Variants in ALS2 observed in about 807,000 individuals in gnomAD.
The protein encoded by ALS2 is alsin.
ALS2 carries 117 observed loss-of-function variants against 203.4 expected under a neutral mutation model. The ratio of observed to expected loss-of-function variants is 0.58; its 90% CI spans 0.50 to 0.67. The LOEUF is 0.67. ALS2 is among the 30% of genes least tolerant of loss of function. The pLI is 0.00. For missense variants in ALS2, 1,715 were observed against 1,989.4 expected (o/e 0.86, Z 2.62); for synonymous variants, 718 against 725.9 (o/e 0.99, Z 0.17).
intron 5 of ALS2, among the ~76,000 whole-genome samples, chr2:201,756,166 A>G (rs970250386): frequency 1.3e-5 from 2 of 152,124 alleles, no homozygotes; most frequent in African/African-American, 4.8e-5. Context: ...AAAATATTCC[A>G]CATTTGTAGT....
Position 201,718,026 on chromosome 2 carries a change from G to A in ALS2, c.3836+51C>T, listed in dbSNP as rs1186030629. 4 of 1,592,514 alleles carry A rather than the reference G, an allele frequency of 2.5e-6. No individual in the cohort carries two copies. In the South Asian group the frequency reaches 4.4e-5, roughly 18 times the overall value. On this transcript the variant is annotated intron_variant, in intron 24 of 33. Transcript: ENST00000264276. Reference sequence around the variant, plus strand: ...TATTAACCAGCTTTGATAAAAGCAAGACAACTCCAAACATTCAATAATTAA... The same window carrying A: ...TATTAACCAGCTTTGATAAAAGCAAAACAACTCCAAACATTCAATAATTAA...
rs762682596 is a variant in ALS2 at position 201,754,460 on chromosome 2, T to C, written c.1640+43A>G. Reference sequence around the variant, plus strand: ...GAGACCTTCCCAGGAGAGAGATTATTTGTTTAAGCCAACTTCTATCGGTAA... The same window carrying C: ...GAGACCTTCCCAGGAGAGAGATTATCTGTTTAAGCCAACTTCTATCGGTAA... On this transcript the variant is annotated intron_variant, in intron 6 of 33. Coordinates refer to ENST00000264276, the MANE Select transcript of ALS2 (RefSeq NM_020919.4). The C allele has an allele frequency of 1.9e-6, 3 of 1,613,252 alleles. No homozygotes were observed. The African/African-American group carries it at 4.0e-5, about 22-fold the overall frequency.
chr2:201,760,408 T>G, intron 4 of ALS2: 2 of 987,780 alleles, frequency 2.0e-6, no homozygotes, highest in Non-Finnish European at 2.4e-6. Flanking sequence ...AACATGTAAT[T>G]GCCTGTAAGT....
intron 4 of ALS2, among the ~76,000 whole-genome samples, chr2:201,758,755 T>TGTGC (rs1553514659): frequency 7.5e-5 from 6 of 80,314 alleles, no homozygotes; most frequent in East Asian, 6.3e-4. Context: ...TGTGTGTGTG[T>TGTGC]GCGCATGTGT....
intron 13 of ALS2, among the ~76,000 whole-genome samples, chr2:201,730,154 T>C (rs1438426688): frequency 6.6e-6 from 1 of 152,196 alleles, no homozygotes. Context: ...ACTTGCTATG[T>C]GGTAGATTCT....
chr2:201,767,303 C>G lies in ALS2; in HGVS notation c.101G>C (p.Arg34Thr). The stretch of plus-strand genomic sequence containing the variant: ...AGTCTTTCCTCCCCAGCCTGGCAAT[C>G]TCTCTGGTGTTATGGGAAAGGATCC... ...QAGSFPITPERLPGWGGKTVL... is the reference protein window; with the variant it reads ...QAGSFPITPETLPGWGGKTVL... Residue 34 changes from arginine (R) to threonine (T), a missense_variant, in exon 3 of 34, where the codon AGA becomes ACA. This residue lies in a region of ALS2 where 476 missense variants were observed against 539.3 expected (regional missense o/e 0.88). Transcript: ENST00000264276. 3 of 1,614,038 alleles carry G rather than the reference C, an allele frequency of 1.9e-6. No homozygotes were observed. The highest frequency in any genetic ancestry group is 2.5e-6 in the Non-Finnish European group (3 of 1,180,012).
Position 201,726,786 on chromosome 2 carries a change from A to G in ALS2, c.3060T>C (p.Gly1020=). The change falls in exon 18 of 34, where the codon GGT becomes GGC. Residue 1020 remains glycine, a synonymous_variant. Transcript: ENST00000264276. Reference sequence around the variant, plus strand: ...GTGGTTCCTGTCTCTGAACACTGCTACCACTTCCATAAGGGGGGAGATCAG... The same window carrying G: ...GTGGTTCCTGTCTCTGAACACTGCTGCCACTTCCATAAGGGGGGAGATCAG... ...GMSDLPPYGS[G]SSVQRQEPPI... 6.2e-7 allele frequency: 1 copy of G among 1,614,098 alleles called. No individual in the cohort carries two copies.
intron 4 of ALS2, 79 bp from the exon 5 acceptor site, chr2:201,757,838 T>C: frequency 1.8e-6 from 2 of 1,086,028 alleles, no homozygotes; most frequent in Non-Finnish European, 2.6e-6. Flanking sequence ...GAAAGGCTAA[T>C]ATCCATCGCT....
chr2:201,741,663 T>C lies in ALS2; in HGVS notation c.2351+11A>G. The C allele has an allele frequency of 6.2e-7, 1 of 1,613,682 alleles. No individual in the cohort carries two copies. Among genetic ancestry groups the C allele is most frequent in the Non-Finnish European group, 8.5e-7 (1 of 1,179,624 alleles). On this transcript the variant is annotated intron_variant, in intron 11 of 33. Transcript: ENST00000264276. ...GCAGAGATTGAACATGACACGGGAC[T>C]GGATACTTGCTCTGTATAACTATCC...
At chr2:201,721,930 T>C (rs1449703641) in intron 23 of ALS2, 2 of 152,242 alleles carry the variant, frequency 1.3e-5, no homozygotes, top group Non-Finnish European at 2.9e-5. Context: ...CCCAAAGTGC[T>C]GGAATTACAG....
chr2:201,758,776 G>GTGTGTGTGTT (rs1693570428), intron 4 of ALS2, among the ~76,000 whole-genome samples: 1 of 151,872 alleles, frequency 6.6e-6, no homozygotes, highest in Non-Finnish European at 1.5e-5. Flanking sequence ...GTGTGTGTGT[G>GTGTGTGTGTT]TGTGTGTGTT....
At chr2:201,721,076 T>A (rs1690764098) in intron 23 of ALS2, among the ~76,000 whole-genome samples, 1 of 152,186 alleles carries the variant, frequency 6.6e-6, no homozygotes, top group Admixed American at 6.5e-5. Context: ...CGCTTTACAA[T>A]AGCATCAATA....
intron 3 of ALS2, among the ~76,000 whole-genome samples, chr2:201,762,074 G>T (rs1323957741): frequency 6.6e-6 from 1 of 152,106 alleles, no homozygotes; most frequent in Non-Finnish European, 1.5e-5. Context: ...CTTTCCTTCA[G>T]CCTCATCCTA....
At position 201,766,173 on chromosome 2, in the gene ALS2, G is replaced by C. The variant is rs537656413; in HGVS notation, c.175+1056C>G. ...ATAGACTTAATGAACAAAAGTTATAGCAAGAGTCTCTGAATAGGTAACCTT... is the reference window on the plus strand; with the variant it reads ...ATAGACTTAATGAACAAAAGTTATACCAAGAGTCTCTGAATAGGTAACCTT... On this transcript the variant is annotated intron_variant, in intron 3 of 33. Coordinates refer to ENST00000264276, the MANE Select transcript of ALS2 (RefSeq NM_020919.4). Among the ~76,000 whole-genome samples the C allele has an allele frequency of 2.0e-5, 3 of 152,208 alleles. No individual in the cohort carries two copies. The South Asian group carries it at 6.2e-4, about 32-fold the overall frequency.
chr2:201,768,963 G>A lies in ALS2; in HGVS notation c.-60-18C>T, dbSNP rs140975541. 117 of 1,331,228 alleles carry A rather than the reference G, an allele frequency of 8.8e-5. No homozygotes were observed. Among genetic ancestry groups the A allele is most frequent in the African/African-American group, 7.1e-4 (48 of 67,158 alleles). 82.5% of individuals were successfully genotyped at this position (1,331,228 alleles called of 1,614,324 possible). ...ATCAAGACCTAAACAGTACAAGTAA[G>A]GAAAAGAGCAGTAAAAGAATATTTT... is the stretch of plus-strand genomic sequence containing the variant. On this transcript the variant is annotated intron_variant, in intron 1 of 33. Transcript: ENST00000264276.
Position 201,706,991 on chromosome 2 carries a change from G to A in ALS2, c.4435C>T (p.Pro1479Ser), listed in dbSNP as rs534239794. 2.5e-6 allele frequency: 4 copies of A among 1,613,878 alleles called. No individual in the cohort carries two copies. Among genetic ancestry groups the A allele is most frequent in the African/African-American group, 1.3e-5 (1 of 75,004 alleles). Residue 1479 changes from proline to serine, a missense_variant, in exon 29 of 34, where the codon CCT (proline) becomes TCT (serine). Physicochemically the swap from Pro to Ser is moderately conservative, Grantham distance 74 (BLOSUM62 -1). Coordinates refer to ENST00000264276, the MANE Select transcript of ALS2 (RefSeq NM_020919.4). ...GGGTAGAGCCGAGGTAGCAGCACAG[G>A]AAGCAATAATCCAGAACTCGTTACT... The part of the protein sequence containing the change: ...YVVTSSGLLL[P>S]VLLPRLYPPL...
intron 20 of ALS2, among the ~76,000 whole-genome samples, chr2:201,724,820 T>C (rs766759145): frequency 5.9e-5 from 9 of 152,148 alleles, no homozygotes; most frequent in East Asian, 1.9e-4. Context: ...TTATAAGGTA[T>C]ATAAAATTTA....
chr2:201,765,141 G>A (rs897486158), intron 3 of ALS2, among the ~76,000 whole-genome samples: 1 of 152,100 alleles, frequency 6.6e-6, no homozygotes, highest in African/African-American at 2.4e-5. Context: ...GGGACTACAG[G>A]CGCAGGCCTC....
chr2:201,715,550 TACTC>T (rs1690321414), intron 25 of ALS2, 118 bp downstream of exon 25: 3 of 1,214,278 alleles, frequency 2.5e-6, no homozygotes, highest in Non-Finnish European at 3.6e-6. Context: ...TAATCTCTCT[TACTC>T]AGAAGCGAAG....
Sources: allele counts gnomAD v4.1 joint callset (sites outside exome capture counted in the v4.1 genomes callset), GRCh38; gene constraint gnomAD v4.1.1; regional missense constraint gnomAD v4.1.1; transcripts MANE v1.5; gene names NCBI Gene and HGNC (gene_info 2026-07-23, HGNC 2026-07-21).